Variants in ITPR1 observed in about 807,000 individuals in gnomAD.
ITPR1 encodes inositol 1,4,5-trisphosphate receptor type 1, also known as inositol 1,4,5-trisphosphate-gated calcium channel ITPR1.
In ITPR1, 96 loss-of-function variants were observed where a neutral mutation model predicts 318.4. The ratio of observed to expected loss-of-function variants is 0.30; its 90% CI spans 0.26 to 0.36. The LOEUF (loss-of-function observed/expected upper bound fraction) is 0.36. Ranked by LOEUF, ITPR1 falls within the 10% of genes least tolerant of loss-of-function variation. The probability of loss-of-function intolerance (pLI) is 1.00; values close to 1 mark genes in which losing one functional copy is unlikely to be tolerated. For synonymous variants in ITPR1, 1,312 were observed against 1,289.9 expected, an observed-to-expected ratio of 1.02 and a Z score of -0.37; for missense variants, 2,440 against 3,460.2, an observed-to-expected ratio of 0.71 and a Z score of 7.40.
intron 4 of ITPR1, among the ~76,000 whole-genome samples, chr3:4,552,768 C>T (rs749995965): frequency 6.6e-6 from 1 of 152,140 alleles, no homozygotes; most frequent in Non-Finnish European, 1.5e-5. Flanking sequence ...CCCTCTAATC[C>T]TGCCTTGTTT....
At chr3:4,649,519 C>T (rs1218160369) in intron 10 of ITPR1, among the ~76,000 whole-genome samples, 2 of 152,172 alleles carry the variant, frequency 1.3e-5, no homozygotes, top group Admixed American at 6.5e-5. Flanking sequence ...CCTTCAATAT[C>T]CTCCCATTCT....
chr3:4,780,258 C>T (rs1015683048), intron 49 of ITPR1, among the ~76,000 whole-genome samples: 2 of 152,262 alleles, frequency 1.3e-5, no homozygotes, highest in South Asian at 2.1e-4. Flanking sequence ...TTTCTTTCCT[C>T]GTTTGCTGCT....
chr3:4,804,607 G>A (rs1195819903), intron 54 of ITPR1, among the ~76,000 whole-genome samples: 2 of 152,166 alleles, frequency 1.3e-5, no homozygotes, highest in African/African-American at 2.4e-5. Context: ...AAGTTGGCAG[G>A]ATCTGGGGTG....
At chr3:4,580,197 C>G (rs1027378667) in intron 4 of ITPR1, among the ~76,000 whole-genome samples, 1 of 152,032 alleles carries the variant, frequency 6.6e-6, no homozygotes, top group African/African-American at 2.4e-5. Flanking sequence ...GCAACAGAGC[C>G]AGACTCCGTC....
rs77305707 is a variant in ITPR1, at chr3:4,583,851, C to A, written c.164-43912C>A. Among the ~76,000 whole-genome samples, 1,058 of 152,214 alleles carry A rather than the reference C, an allele frequency of 7.0e-3. 6 individuals are homozygous for A. The highest frequency in any genetic ancestry group is 0.01 in the Non-Finnish European group (699 of 68,016). On this transcript the variant is annotated intron_variant, in intron 4 of 61. Transcript: ENST00000649015. ...ACCACCCATGGCTGGTGGTGATGTA[C>A]CCCTCACTAATGAGATGTTTACACA...
intron 8 of ITPR1, 51 bp from the exon 9 acceptor site, chr3:4,645,336 C>A: frequency 7.9e-7 from 1 of 1,261,384 alleles, no homozygotes; most frequent in Non-Finnish European, 1.2e-6. Flanking sequence ...GGCTGGATGA[C>A]ACAGTTGTTG....
chr3:4,599,962 G>C lies in ITPR1; in HGVS notation c.164-27801G>C, dbSNP rs190149460. On this transcript the variant is annotated intron_variant, in intron 4 of 61. Transcript: ENST00000649015. ...CCCAGAAGTCTCCTCCTGCCCATTG[G>C]TTGTCCCTACTCCCTCCTTCCTACA... Among the ~76,000 whole-genome samples, 97 of 152,278 alleles carry C rather than the reference G, an allele frequency of 6.4e-4. 3 individuals carry two copies. In the East Asian group the frequency reaches 0.016, roughly 25 times the overall value.
intron 53 of ITPR1, among the ~76,000 whole-genome samples, chr3:4,795,639 TG>T (rs2047850156): frequency 6.6e-6 from 1 of 151,452 alleles, no homozygotes; most frequent in African/African-American, 2.5e-5. Flanking sequence ...AAGAAATCTC[TG>T]GAATATTTTT....
At chr3:4,764,724 C>T (rs913518310) in intron 44 of ITPR1, among the ~76,000 whole-genome samples, 1 of 152,186 alleles carries the variant, frequency 6.6e-6, no homozygotes, top group South Asian at 2.1e-4. Flanking sequence ...TGGCATTGAG[C>T]GTCTGCCACA....
chr3:4,608,407 A>G (rs2091850271), intron 4 of ITPR1, among the ~76,000 whole-genome samples: 1 of 152,078 alleles, frequency 6.6e-6, no homozygotes, highest in Non-Finnish European at 1.5e-5. Flanking sequence ...ACGATTCAGA[A>G]GGGTCTAGAA....
intron 4 of ITPR1, among the ~76,000 whole-genome samples, chr3:4,608,136 C>A (rs1457526727): frequency 6.6e-6 from 1 of 152,168 alleles, no homozygotes; most frequent in Non-Finnish European, 1.5e-5. Flanking sequence ...ATCAGATCCT[C>A]CCCACTGCTA....
chr3:4,530,773 T>TCAA (rs113306224), intron 4 of ITPR1, among the ~76,000 whole-genome samples: 42,190 of 151,028 alleles, frequency 0.28, 6,597 homozygotes, highest in African/African-American at 0.44. Context: ...AGAGCAAGAC[T>TCAA]CAACAACAAC....
intron 4 of ITPR1, among the ~76,000 whole-genome samples, chr3:4,526,916 A>C (rs1396288783): frequency 1.3e-5 from 2 of 152,232 alleles, no homozygotes; most frequent in African/African-American, 4.8e-5. Flanking sequence ...TGTTGTCTTC[A>C]CTGCAACTAT....
At position 4,800,408 on chromosome 3, in the gene ITPR1, C is replaced by T; in HGVS notation, c.6932-17C>T. ...GAAGGCACAGATTTGTGAGAGAACC[C>T]TGTTTTGTCCTTGCAGGAACCCTGG... On this transcript the variant is annotated splice_polypyrimidine_tract_variant and intron_variant, in intron 53 of 61. Transcript: ENST00000649015. 6 of 1,610,906 alleles carry T rather than the reference C, an allele frequency of 3.7e-6. No individual in the cohort carries two copies. Among genetic ancestry groups the T allele is most frequent in the Non-Finnish European group, 5.1e-6 (6 of 1,179,052 alleles).
At chr3:4,687,540 G>C (rs1459093037) in intron 30 of ITPR1, among the ~76,000 whole-genome samples, 2 of 152,174 alleles carry the variant, frequency 1.3e-5, no homozygotes, top group Non-Finnish European at 2.9e-5. Context: ...TCTTGCCTCT[G>C]AAATGAGGTG....
intron 53 of ITPR1, among the ~76,000 whole-genome samples, chr3:4,795,571 C>G (rs188712200): frequency 2.0e-5 from 3 of 152,288 alleles, no homozygotes; most frequent in Admixed American, 2.0e-4. Flanking sequence ...GATGCTCAGT[C>G]CAGTATATGT....
intron 53 of ITPR1, among the ~76,000 whole-genome samples, chr3:4,796,957 A>G (rs769020249): frequency 7.2e-5 from 11 of 152,150 alleles, no homozygotes; most frequent in Non-Finnish European, 1.2e-4. Context: ...TTGCCCATCC[A>G]AGCTTGAGAT....
chr3:4,703,348 G>A (rs1021431745), intron 36 of ITPR1, among the ~76,000 whole-genome samples: 2 of 152,098 alleles, frequency 1.3e-5, no homozygotes, highest in Non-Finnish European at 2.9e-5. Flanking sequence ...CACATCCTAA[G>A]GAACACCCTT....
chr3:4,772,949 G>T (rs1191166360), intron 46 of ITPR1, among the ~76,000 whole-genome samples: 1 of 152,206 alleles, frequency 6.6e-6, no homozygotes, highest in Non-Finnish European at 1.5e-5. Flanking sequence ...TAGCCTTGAG[G>T]ACTTCCCAGT....
Sources: gnomAD v4.1 joint callset for allele counts (sites outside exome capture counted in the v4.1 genomes callset) on GRCh38, gnomAD v4.1.1 for gene constraint, MANE v1.5 for transcripts, NCBI Gene and HGNC (gene_info 2026-07-23, HGNC 2026-07-21) for gene names.